Variants in SIPA1L2 observed in about 807,000 individuals in gnomAD.
SIPA1L2 encodes the protein signal-induced proliferation-associated 1-like protein 2.
In SIPA1L2, 56 loss-of-function variants were observed where a neutral mutation model predicts 163.9. The ratio of observed to expected loss-of-function variants is 0.34; its 90% CI spans 0.28 to 0.43. The LOEUF (loss-of-function observed/expected upper bound fraction) is 0.43, where lower values mean the gene tolerates loss of function less well. Among genes scored for constraint, SIPA1L2 ranks in the 20% least tolerant of loss-of-function variants. SIPA1L2 has a pLI of 1.00. For synonymous variants in SIPA1L2, 877 were observed against 865.7 expected (o/e 1.01, Z -0.23); for missense variants, 1,974 against 2,193.5 (o/e 0.90, Z 2.00).
intron 2 of SIPA1L2, among the ~76,000 whole-genome samples, chr1:232,538,477 T>G (rs1329084226): frequency 6.6e-6 from 1 of 152,128 alleles, no homozygotes; most frequent in Non-Finnish European, 1.5e-5. Context: ...ATGAAGGCAC[T>G]CACTCTGTAT....
intron 10 of SIPA1L2, among the ~76,000 whole-genome samples, chr1:232,448,734 C>A (rs1417347565): frequency 6.6e-6 from 1 of 152,116 alleles, no homozygotes; most frequent in Non-Finnish European, 1.5e-5. Context: ...CCAAGCACTG[C>A]AAAAGGCCAA....
chr1:232,444,215 G>A (rs576759807), intron 11 of SIPA1L2, among the ~76,000 whole-genome samples: 2 of 152,238 alleles, frequency 1.3e-5, no homozygotes, highest in African/African-American at 4.8e-5. Context: ...ACTTGATGAA[G>A]ATGTGCTTGC....
chr1:232,607,316 A>G (rs1226383773), intron 1 of SIPA1L2, among the ~76,000 whole-genome samples: 1 of 152,194 alleles, frequency 6.6e-6, no homozygotes, highest in Non-Finnish European at 1.5e-5. Context: ...ACATTTTCCC[A>G]TGTCATTAAA....
chr1:232,449,251 G>C (rs1414673599), intron 10 of SIPA1L2, among the ~76,000 whole-genome samples: 3 of 152,152 alleles, frequency 2.0e-5, no homozygotes, highest in African/African-American at 7.2e-5. Context: ...GGGCGCGGTG[G>C]CTCACGCCTG....
At chr1:232,550,402 A>C (rs903532120) in intron 2 of SIPA1L2, among the ~76,000 whole-genome samples, 1 of 152,374 alleles carries the variant, frequency 6.6e-6, no homozygotes, top group Non-Finnish European at 1.5e-5. Flanking sequence ...CAATACAAGG[A>C]TAGCTTAAAC....
intron 9 of SIPA1L2, chr1:232,462,502 A>C: frequency 1.4e-6 from 1 of 713,158 alleles, no homozygotes. Context: ...AATGCCAATC[A>C]GCTTTTCCCA....
intron 3 of SIPA1L2, among the ~76,000 whole-genome samples, chr1:232,507,731 A>G (rs1259036672): frequency 6.6e-6 from 1 of 152,218 alleles, no homozygotes; most frequent in Non-Finnish European, 1.5e-5. Flanking sequence ...TCATTAACTT[A>G]TCTGCCCAGA....
At chr1:232,510,297 C>T (rs970533784) in intron 3 of SIPA1L2, among the ~76,000 whole-genome samples, 3 of 151,880 alleles carry the variant, frequency 2.0e-5, no homozygotes, top group Admixed American at 6.6e-5. Context: ...ATGATGTTCA[C>T]GCAATGACGA....
chr1:232,426,372 C>T (rs1661899469), intron 17 of SIPA1L2, among the ~76,000 whole-genome samples: 1 of 152,188 alleles, frequency 6.6e-6, no homozygotes, highest in Non-Finnish European at 1.5e-5. Flanking sequence ...TTAAAAGTGT[C>T]ACTTGTGGCC....
rs562470537 is a variant in SIPA1L2, at chr1:232,500,071, G to A, written c.1484-6411C>T. Among the ~76,000 whole-genome samples, 159 of 152,080 alleles carry A rather than the reference G, an allele frequency of 1.0e-3. 2 individuals carry two copies. Among genetic ancestry groups the A allele is most frequent in the African/African-American group, 3.5e-3 (146 of 41,480 alleles). On this transcript the variant is annotated intron_variant, in intron 3 of 22. Transcript: ENST00000674635. ...TGGCTCACTGCAAACTCCACCTCCC[G>A]GGCTGACGCCATTCTCCTGCCTCAG...
chr1:232,610,462 T>C (rs990285845), intron 1 of SIPA1L2, among the ~76,000 whole-genome samples: 12 of 152,216 alleles, frequency 7.9e-5, no homozygotes, highest in African/African-American at 2.4e-4. Context: ...CTCGGTGCTA[T>C]GGAAGATGTA....
intron 2 of SIPA1L2, among the ~76,000 whole-genome samples, chr1:232,540,890 T>C (rs1395553164): frequency 6.6e-6 from 1 of 152,228 alleles, no homozygotes; most frequent in Non-Finnish European, 1.5e-5. Context: ...GTTTGTTATA[T>C]CAAGTCTTTA....
intron 2 of SIPA1L2, among the ~76,000 whole-genome samples, chr1:232,536,973 C>T (rs914562646): frequency 2.0e-5 from 3 of 152,198 alleles, no homozygotes; most frequent in African/African-American, 4.8e-5. Flanking sequence ...CGGTGGCTCA[C>T]GTCTATAATC....
intron 1 of SIPA1L2, among the ~76,000 whole-genome samples, chr1:232,576,854 A>G (rs1404891004): frequency 6.6e-6 from 1 of 152,104 alleles, no homozygotes; most frequent in Admixed American, 6.5e-5. Flanking sequence ...CTTAAGCCAA[A>G]GCCTAGTTCA....
intron 1 of SIPA1L2, among the ~76,000 whole-genome samples, chr1:232,623,692 C>T (rs1662933941): frequency 6.6e-6 from 1 of 152,106 alleles, no homozygotes; most frequent in Admixed American, 6.6e-5. Flanking sequence ...TTACATTAAC[C>T]TCCTACCCCT....
chr1:232,619,736 A>G (rs1169438398), intron 1 of SIPA1L2, among the ~76,000 whole-genome samples: 1 of 152,234 alleles, frequency 6.6e-6, no homozygotes, highest in Admixed American at 6.5e-5. Context: ...AAAGACTTCA[A>G]GATGGCATGG....
chr1:232,519,545 C>T (rs1337509418), intron 2 of SIPA1L2, among the ~76,000 whole-genome samples: 1 of 152,214 alleles, frequency 6.6e-6, no homozygotes, highest in Non-Finnish European at 1.5e-5. Context: ...AGGGCCCACA[C>T]ATGCCTTCTT....
chr1:232,473,813 G>T (rs976764628), intron 7 of SIPA1L2, among the ~76,000 whole-genome samples: 2 of 152,164 alleles, frequency 1.3e-5, no homozygotes, highest in African/African-American at 4.8e-5. Flanking sequence ...GATTCATTAG[G>T]AAGGGTAAAA....
At position 232,428,415 on chromosome 1, in the gene SIPA1L2, C is replaced by A. The variant is rs1572882769; in HGVS notation, c.4406G>T (p.Arg1469Ile). 2.2e-6 allele frequency: 3 copies of A among 1,386,756 alleles called. No homozygotes were observed. Among genetic ancestry groups the A allele is most frequent in the Non-Finnish European group, 2.8e-6 (3 of 1,056,688 alleles). The allele number at this position is 1,386,756 out of a possible 1,614,324, so 85.9% of individuals were successfully genotyped here. The change falls in exon 17 of 23, where the codon AGA becomes ATA. Residue 1469 changes from arginine (R) to isoleucine (I), a missense_variant. Physicochemically the swap from Arg to Ile is moderately conservative, Grantham distance 97. Transcript: ENST00000674635. ...PDSPLVEEGR[R>I]KFSFYGNLSP... is the part of the protein sequence containing the mutation. ...AAAGCTCCCTAAGTCACTAACCTTTCTTCGCCCCTCCTCCACTAAGGGGCT... is the reference window on the plus strand; with the variant it reads ...AAAGCTCCCTAAGTCACTAACCTTTATTCGCCCCTCCTCCACTAAGGGGCT...
Sources: gnomAD v4.1 joint callset for allele counts (sites outside exome capture counted in the v4.1 genomes callset) on GRCh38, gnomAD v4.1.1 for gene constraint, MANE v1.5 for transcripts, NCBI Gene and HGNC (gene_info 2026-07-23, HGNC 2026-07-21) for gene names.